The following FGF14 variants were observed in gnomAD, a reference collection of about 807,000 sequenced individuals.
The protein encoded by FGF14 is fibroblast growth factor homologous factor 4.
Under a neutral mutation model 25.5 loss-of-function variants are expected in FGF14, and 5 were observed. The observed-to-expected ratio is 0.20, with a 90% confidence interval of 0.10 to 0.41. The LOEUF (loss-of-function observed/expected upper bound fraction) is 0.41, where lower values mean the gene tolerates loss of function less well. Among genes scored for constraint, FGF14 ranks in the 10% least tolerant of loss-of-function variants. The pLI is 1.00. For missense variants in FGF14, 222 were observed against 320.1 expected (o/e 0.69, Z 2.34); for synonymous variants, 138 against 118.3 (o/e 1.17, Z -1.08).
Position 102,196,378 on chromosome 13 carries a change from T to A in FGF14, c.208+205093A>T, listed in dbSNP as rs139614702. Reference sequence around the variant, plus strand: ...GTAGGAGAAATGAATGAGTCAATTGTAAAGAAATTTGGATTCAAGCAAAAA... The same window carrying A: ...GTAGGAGAAATGAATGAGTCAATTGAAAAGAAATTTGGATTCAAGCAAAAA... On this transcript the variant is annotated intron_variant, in intron 1 of 4. Coordinates refer to the FGF14 transcript ENST00000376131. 3.9e-5 allele frequency among the ~76,000 whole-genome samples: 6 copies of A among 152,130 alleles called. No homozygotes were observed. The East Asian group carries it at 1.2e-3, about 29-fold the overall frequency.
chr13:102,262,143 C>T (rs748069474), intron 1 of FGF14, among the ~76,000 whole-genome samples: 1 of 151,996 alleles, frequency 6.6e-6, no homozygotes, highest in Admixed American at 6.6e-5. Flanking sequence ...TTCATGGATA[C>T]AGCAAGAAAT....
chr13:102,123,612 G>C (rs566098638), intron 1 of FGF14, among the ~76,000 whole-genome samples: 1 of 124,004 alleles, frequency 8.1e-6, no homozygotes, highest in East Asian at 2.7e-4. Context: ...GCTGTCCTTA[G>C]ATAATGGCCC....
chr13:102,184,330 AAGG>A (rs1327124030), intron 1 of FGF14, among the ~76,000 whole-genome samples: 4 of 152,144 alleles, frequency 2.6e-5, no homozygotes, highest in African/African-American at 9.7e-5. Flanking sequence ...CAGTAAAAAG[AAGG>A]AGGAGGAGAC....
intron 3 of FGF14, among the ~76,000 whole-genome samples, chr13:101,843,677 G>A (rs2043304284): frequency 1.3e-5 from 2 of 152,072 alleles, no homozygotes; most frequent in South Asian, 4.2e-4. Context: ...TAGGGACTAG[G>A]AAGAAATAAT....
At chr13:102,290,667 T>A (rs988784584) in intron 1 of FGF14, among the ~76,000 whole-genome samples, 2 of 152,206 alleles carry the variant, frequency 1.3e-5, no homozygotes, top group Non-Finnish European at 2.9e-5. Flanking sequence ...TATTGTGTCC[T>A]TCTGCATATG....
intron 3 of FGF14, among the ~76,000 whole-genome samples, chr13:101,781,521 T>C (rs906741946): frequency 3.3e-5 from 5 of 152,226 alleles, no homozygotes; most frequent in African/African-American, 9.6e-5. Flanking sequence ...GCATGGTATA[T>C]AGCAGAGGGC....
chr13:101,889,262 G>A (rs558793685), intron 1 of FGF14, among the ~76,000 whole-genome samples: 1 of 152,196 alleles, frequency 6.6e-6, no homozygotes, highest in Non-Finnish European at 1.5e-5. Flanking sequence ...CAACTGCCAC[G>A]TTCACCGATT....
chr13:102,159,703 T>G (rs1051118008), intron 1 of FGF14, among the ~76,000 whole-genome samples: 2 of 152,208 alleles, frequency 1.3e-5, no homozygotes, highest in African/African-American at 4.8e-5. Flanking sequence ...TGACCCACAG[T>G]AGAATTTAAC....
At chr13:102,207,336 C>A (rs1263537845) in intron 1 of FGF14, among the ~76,000 whole-genome samples, 1 of 151,178 alleles carries the variant, frequency 6.6e-6, no homozygotes, top group Non-Finnish European at 1.5e-5. Context: ...CCCCTCCAAA[C>A]CTTAGATTTA....
chr13:101,779,606 A>G (rs571050416), intron 3 of FGF14, among the ~76,000 whole-genome samples: 16 of 152,320 alleles, frequency 1.1e-4, no homozygotes, highest in African/African-American at 3.4e-4. Flanking sequence ...CCAAATGTAA[A>G]CAACAGATAA....
intron 1 of FGF14, among the ~76,000 whole-genome samples, chr13:101,952,859 C>T (rs764931872): frequency 2.3e-4 from 35 of 152,116 alleles, no homozygotes; most frequent in Non-Finnish European, 3.4e-4. Context: ...GGTGAAACTC[C>T]GTCTCTACTA....
Position 101,968,872 on chromosome 13 carries a change from T to A in FGF14, c.209-93576A>T, listed in dbSNP as rs866471593. ...CAACAGCCTTTTTTTTTTTTTTTTT[T>A]AAATCTGGGCATTGTTTGAGTTGAA... On this transcript the variant is annotated intron_variant, in intron 1 of 4. Transcript: ENST00000376131. 3.3e-4 allele frequency among the ~76,000 whole-genome samples: 49 copies of A among 150,610 alleles called. No individual in the cohort carries two copies. In the Middle Eastern group the frequency reaches 0.01, roughly 31 times the overall value.
chr13:102,381,037 T>C (rs1461174864), intron 1 of FGF14, among the ~76,000 whole-genome samples: 1 of 152,190 alleles, frequency 6.6e-6, no homozygotes, highest in Non-Finnish European at 1.5e-5. Flanking sequence ...TAGCCTACAG[T>C]TGGGCAAAAT....
At chr13:101,723,015 G>GGTGT (rs759344288) in intron 4 of FGF14, 48 bp from the exon 5 acceptor site, 1 of 1,611,636 alleles carries the variant, frequency 6.2e-7, no homozygotes, top group Non-Finnish European at 8.5e-7. Flanking sequence ...TGCTTGGTTA[G>GGTGT]GTGTGAGAAT....
At chr13:102,080,084 C>T (rs1595199527) in intron 1 of FGF14, among the ~76,000 whole-genome samples, 1 of 152,120 alleles carries the variant, frequency 6.6e-6, no homozygotes, top group Non-Finnish European at 1.5e-5. Flanking sequence ...CTTGCCTCCT[C>T]TTTTCATTGA....
chr13:101,795,668 G>A (rs561153882), intron 3 of FGF14, among the ~76,000 whole-genome samples: 5 of 152,186 alleles, frequency 3.3e-5, no homozygotes, highest in African/African-American at 1.2e-4. Flanking sequence ...AAAGCAAAAC[G>A]AGAAGCCAAC....
At chr13:101,754,137 A>T (rs1175575267) in intron 3 of FGF14, among the ~76,000 whole-genome samples, 1 of 152,132 alleles carries the variant, frequency 6.6e-6, no homozygotes, top group Admixed American at 6.5e-5. Flanking sequence ...GAGTTGGATT[A>T]GGTGTCTCCT....
chr13:102,057,980 T>C (rs1375013022), intron 1 of FGF14, among the ~76,000 whole-genome samples: 2 of 152,144 alleles, frequency 1.3e-5, no homozygotes, highest in Admixed American at 1.3e-4. Flanking sequence ...CATTACTTTA[T>C]TATTGTTGTG....
chr13:101,944,358 T>A (rs561894625), intron 1 of FGF14, among the ~76,000 whole-genome samples: 236 of 152,228 alleles, frequency 1.6e-3, no homozygotes, highest in African/African-American at 5.4e-3. Flanking sequence ...TACATATTAT[T>A]TTTTTCTTTT....
Sources: gnomAD v4.1 joint callset for allele counts (sites outside exome capture counted in the v4.1 genomes callset) on GRCh38, gnomAD v4.1.1 for gene constraint, MANE v1.5 for transcripts, NCBI Gene and HGNC (gene_info 2026-07-23, HGNC 2026-07-21) for gene names.